PUM2: variants seen among roughly 807,000 people sequenced by gnomAD.
The protein encoded by PUM2 is pumilio RNA binding family member 2, also known as pumilio homolog 2.
A neutral mutation model predicts 124.5 loss-of-function variants in PUM2; 57 were observed. The observed-to-expected ratio is 0.46, with a 90% confidence interval of 0.37 to 0.57. The LOEUF (loss-of-function observed/expected upper bound fraction) is 0.57, where lower values mean the gene tolerates loss of function less well. Among genes scored for constraint, PUM2 ranks in the 20% least tolerant of loss-of-function variants. The pLI is 0.00. For missense variants in PUM2, 1,065 were observed against 1,290.6 expected (o/e 0.83, Z 2.68); for synonymous variants, 460 against 446.1 (o/e 1.03, Z -0.39).
At chr2:20,270,192 A>G (rs925328595) in intron 13 of PUM2, among the ~76,000 whole-genome samples, 2 of 152,206 alleles carry the variant, frequency 1.3e-5, no homozygotes, top group African/African-American at 4.8e-5. Context: ...TTTTCCCTGC[A>G]TATGTCATAT....
At chr2:20,351,577 T>G (rs1411530715), upstream of PUM2, among the ~76,000 whole-genome samples, 1 of 152,192 alleles carries the variant, frequency 6.6e-6, no homozygotes, top group Non-Finnish European at 1.5e-5. Context: ...CCTTCCCCGT[T>G]TACAGGCTAG....
At chr2:20,285,080 G>C (rs1230967733) in intron 10 of PUM2, among the ~76,000 whole-genome samples, 1 of 152,140 alleles carries the variant, frequency 6.6e-6, no homozygotes, top group Non-Finnish European at 1.5e-5. Context: ...AAATCCATTT[G>C]GACATTTGGC....
At chr2:20,319,972 A>C (rs1165251672) in intron 2 of PUM2, among the ~76,000 whole-genome samples, 1 of 152,228 alleles carries the variant, frequency 6.6e-6, no homozygotes, top group Non-Finnish European at 1.5e-5. Flanking sequence ...AGCAAGAACT[A>C]AAAGAGGGTA....
At chr2:20,323,103 G>A (rs931835200) in intron 2 of PUM2, among the ~76,000 whole-genome samples, 2 of 152,114 alleles carry the variant, frequency 1.3e-5, no homozygotes, top group East Asian at 1.9e-4. Flanking sequence ...CCTTGGACTA[G>A]TTTTAATTAA....
chr2:20,351,528 C>A (rs1316455160), upstream of PUM2, among the ~76,000 whole-genome samples: 2 of 152,220 alleles, frequency 1.3e-5, no homozygotes, highest in Non-Finnish European at 2.9e-5. Flanking sequence ...GATTCTCACT[C>A]GTTGGCTGTT....
At chr2:20,338,124 T>A (rs1686499826) in intron 1 of PUM2, among the ~76,000 whole-genome samples, 1 of 152,110 alleles carries the variant, frequency 6.6e-6, no homozygotes, top group Non-Finnish European at 1.5e-5. Context: ...CTAAAAGACG[T>A]GGTGGCTCAC....
At chr2:20,323,834 A>C (rs1682985270) in intron 2 of PUM2, among the ~76,000 whole-genome samples, 1 of 150,094 alleles carries the variant, frequency 6.7e-6, no homozygotes, top group Admixed American at 6.7e-5. Context: ...ACCATAAAAG[A>C]GTTCTTTTCA....
intron 10 of PUM2, among the ~76,000 whole-genome samples, chr2:20,289,296 A>G (rs1172422905): frequency 6.6e-6 from 1 of 152,164 alleles, no homozygotes; most frequent in Non-Finnish European, 1.5e-5. Flanking sequence ...AAACTAGTTA[A>G]GCAGGAAAAA....
At chr2:20,341,667 T>A (rs1402462194) in intron 1 of PUM2, among the ~76,000 whole-genome samples, 2 of 152,238 alleles carry the variant, frequency 1.3e-5, no homozygotes, top group East Asian at 3.8e-4. Flanking sequence ...CATTACAGTT[T>A]GGAAACTATC....
At chr2:20,310,162 C>T (rs539973802) in intron 5 of PUM2, among the ~76,000 whole-genome samples, 1 of 152,082 alleles carries the variant, frequency 6.6e-6, no homozygotes, top group African/African-American at 2.4e-5. Context: ...GACCGTATGA[C>T]CACAGCTGTT....
At chr2:20,255,142 A>T in intron 18 of PUM2, 74 bp downstream of exon 18, 1 of 1,506,328 alleles carries the variant, frequency 6.6e-7, no homozygotes, top group Admixed American at 1.8e-5. Context: ...TTTAGTAACA[A>T]ATTGTATTTC....
At chr2:20,319,386 C>T (rs989852959) in intron 2 of PUM2, among the ~76,000 whole-genome samples, 21 of 152,196 alleles carry the variant, frequency 1.4e-4, no homozygotes, top group African/African-American at 4.1e-4. Flanking sequence ...GACTGGTTTT[C>T]TGAGAAGTGA....
chr2:20,291,079 AT>A (rs1017266920), intron 9 of PUM2, among the ~76,000 whole-genome samples: 181 of 151,918 alleles, frequency 1.2e-3, no homozygotes, highest in Admixed American at 2.0e-3. Flanking sequence ...AGTTTAAAAA[AT>A]AATAATAATA....
chr2:20,351,046 C>A (rs1191710586), upstream of PUM2, among the ~76,000 whole-genome samples: 1 of 152,202 alleles, frequency 6.6e-6, no homozygotes, highest in Non-Finnish European at 1.5e-5. Flanking sequence ...CCCGCCCTCA[C>A]CTTGCGGGCT....
intron 3 of PUM2, among the ~76,000 whole-genome samples, chr2:20,318,003 CGT>C (rs2148709528): frequency 6.6e-6 from 1 of 152,220 alleles, no homozygotes; most frequent in Admixed American, 6.5e-5. Context: ...CAAACATACA[CGT>C]GTGTGTCTTA....
At chr2:20,325,115 T>C (rs936165314) in intron 2 of PUM2, among the ~76,000 whole-genome samples, 15 of 152,280 alleles carry the variant, frequency 9.9e-5, no homozygotes, top group Admixed American at 2.6e-4. Context: ...AGAAGGTTCC[T>C]TGCTGCCTGT....
At chr2:20,305,908 C>T (rs1678154663) in intron 7 of PUM2, among the ~76,000 whole-genome samples, 1 of 152,162 alleles carries the variant, frequency 6.6e-6, no homozygotes, top group South Asian at 2.1e-4. Flanking sequence ...AATAAAGACA[C>T]ATCACACCCT....
In PUM2 at chr2:20,256,575, C is replaced by A. The variant is rs137956510; in HGVS notation, c.2485-405G>T. 5.8e-3 allele frequency among the ~76,000 whole-genome samples: 886 copies of A among 152,242 alleles called. 6 individuals carry two copies. The highest frequency in any genetic ancestry group is 8.2e-3 in the Non-Finnish European group (559 of 68,018). On this transcript the variant is annotated intron_variant, in intron 16 of 20. Transcript: ENST00000361078. The stretch of plus-strand genomic sequence containing the variant: ...TACACACTTCCGCCTTACTTAGTAC[C>A]ACCTCCACCACCAAAGGAATTATTT...
At chr2:20,264,370 ATATATATATAT>A (rs1667138325) in intron 13 of PUM2, among the ~76,000 whole-genome samples, 4 of 49,918 alleles carry the variant, frequency 8.0e-5, no homozygotes, top group African/African-American at 3.2e-4. Context: ...AAAAAAAAAT[ATATATATATAT>A]ATATATATAT....
Sources: allele counts gnomAD v4.1 joint callset (sites outside exome capture counted in the v4.1 genomes callset), GRCh38; gene constraint gnomAD v4.1.1; transcripts MANE v1.5; gene names NCBI Gene and HGNC (gene_info 2026-07-23, HGNC 2026-07-21).